The following PLCB4 variants were observed in gnomAD, a reference collection of about 807,000 sequenced individuals.
PLCB4 encodes phospholipase C beta 4, also known as 1-phosphatidylinositol 4,5-bisphosphate phosphodiesterase beta-4.
A neutral mutation model predicts 178.8 loss-of-function variants in PLCB4; 77 were observed. The ratio of observed to expected loss-of-function variants is 0.43; its 90% CI spans 0.36 to 0.52. The LOEUF is 0.52. PLCB4 is among the 20% of genes least tolerant of loss of function. The probability of loss-of-function intolerance (pLI) is 0.00; values close to 1 mark genes in which losing one functional copy is unlikely to be tolerated. For missense variants in PLCB4, 1,024 were observed against 1,453.4 expected (o/e 0.70, Z 4.80); for synonymous variants, 496 against 490.8 (o/e 1.01, Z -0.14).
At position 9,305,115 on chromosome 20, in the gene PLCB4, A is replaced by G. The variant is rs1351812124; in HGVS notation, c.-15-2685A>G. 2.0e-5 allele frequency among the ~76,000 whole-genome samples: 3 copies of G among 147,422 alleles called. No homozygotes were observed. In the South Asian group the frequency reaches 6.4e-4, roughly 31 times the overall value. On this transcript the variant is annotated intron_variant, in intron 3 of 39. Transcript: ENST00000378473. ...TCTGTAAACAACCATAATTTTACCT[A>G]ATCCGAAAACATCTTTTATAAGTGA...
At chr20:9,430,609 C>T (rs1159955898) in intron 28 of PLCB4, among the ~76,000 whole-genome samples, 1 of 152,090 alleles carries the variant, frequency 6.6e-6, no homozygotes, top group African/African-American at 2.4e-5. Context: ...GATATTTATC[C>T]AGCTAATGGA....
intron 2 of PLCB4, among the ~76,000 whole-genome samples, chr20:9,210,023 C>T (rs2093657056): frequency 6.6e-6 from 1 of 151,124 alleles, no homozygotes; most frequent in African/African-American, 2.4e-5. Flanking sequence ...TGTCTGGACT[C>T]CTGACCTACA....
At chr20:9,177,672 T>C (rs2093177478) in intron 2 of PLCB4, among the ~76,000 whole-genome samples, 1 of 152,234 alleles carries the variant, frequency 6.6e-6, no homozygotes. Flanking sequence ...TTGTGTTGTA[T>C]GCAAAGACGT....
chr20:9,099,170 A>G (rs1199444919), intron 2 of PLCB4, among the ~76,000 whole-genome samples: 1 of 152,180 alleles, frequency 6.6e-6, no homozygotes, highest in African/African-American at 2.4e-5. Context: ...AGAAGCTCAT[A>G]ATCAAAGAAG....
At chr20:9,087,091 A>G (rs1195663067) in intron 1 of PLCB4, among the ~76,000 whole-genome samples, 1 of 152,186 alleles carries the variant, frequency 6.6e-6, no homozygotes, top group Non-Finnish European at 1.5e-5. Context: ...TGTAGAGAGC[A>G]TATAGTTGAT....
chr20:9,384,987 G>A (rs1815036050), intron 14 of PLCB4, among the ~76,000 whole-genome samples: 1 of 152,124 alleles, frequency 6.6e-6, no homozygotes, highest in African/African-American at 2.4e-5. Flanking sequence ...CTGGGTACTT[G>A]AGATTAGGGA....
At chr20:9,154,506 C>T (rs1430854191) in intron 2 of PLCB4, among the ~76,000 whole-genome samples, 1 of 152,106 alleles carries the variant, frequency 6.6e-6, no homozygotes, top group Admixed American at 6.6e-5. Flanking sequence ...TCTAATAATG[C>T]TCAGTCGTCT....
At position 9,314,334 on chromosome 20, in the gene PLCB4, G is replaced by A. The variant is rs1174047864; in HGVS notation, c.84+6436G>A. 2.0e-5 allele frequency among the ~76,000 whole-genome samples: 3 copies of A among 152,190 alleles called. No homozygotes were observed. The East Asian group carries it at 5.8e-4, about 29-fold the overall frequency. On this transcript the variant is annotated intron_variant, in intron 4 of 39. Transcript: ENST00000378473. ...GATTCCTTGTGGGAGTGGTCTGGAG[G>A]GTAGTGTTGGGCTTGAAGGACTTAA...
intron 2 of PLCB4, among the ~76,000 whole-genome samples, chr20:9,149,322 A>T (rs80286627): frequency 6.6e-6 from 1 of 152,202 alleles, no homozygotes; most frequent in African/African-American, 2.4e-5. Flanking sequence ...CCCACCTGTT[A>T]GGGAAGATAG....
At chr20:9,421,893 A>G (rs775339138) in intron 27 of PLCB4, among the ~76,000 whole-genome samples, 8 of 152,184 alleles carry the variant, frequency 5.3e-5, no homozygotes, top group Non-Finnish European at 8.8e-5. Flanking sequence ...GTCTCTCCTG[A>G]AAGAGTGACA....
chr20:9,116,361 G>C (rs1300381239), intron 2 of PLCB4, among the ~76,000 whole-genome samples: 2 of 151,962 alleles, frequency 1.3e-5, no homozygotes, highest in Non-Finnish European at 2.9e-5. Flanking sequence ...ATATATGTGT[G>C]CACATATATA....
chr20:9,229,517 A>C (rs893371110), intron 3 of PLCB4, among the ~76,000 whole-genome samples: 4 of 152,056 alleles, frequency 2.6e-5, no homozygotes, highest in Non-Finnish European at 5.9e-5. Context: ...TGCTGCAGGG[A>C]GAAATACCAA....
chr20:9,184,147 A>T (rs1416439940), intron 2 of PLCB4, among the ~76,000 whole-genome samples: 2 of 152,198 alleles, frequency 1.3e-5, no homozygotes, highest in East Asian at 3.8e-4. Flanking sequence ...CCTATTTCCT[A>T]CATTGACTTC....
chr20:9,460,821 G>A (rs1321713681), intron 35 of PLCB4, among the ~76,000 whole-genome samples: 1 of 152,206 alleles, frequency 6.6e-6, no homozygotes. Flanking sequence ...GACAGATACT[G>A]CCACAAGAAC....
intron 28 of PLCB4, among the ~76,000 whole-genome samples, chr20:9,429,414 C>T (rs1317854192): frequency 1.3e-5 from 2 of 152,122 alleles, no homozygotes; most frequent in Non-Finnish European, 2.9e-5. Context: ...CACAGTATTC[C>T]CCAATAAAAG....
At chr20:9,301,669 G>A (rs1196473104) in intron 3 of PLCB4, among the ~76,000 whole-genome samples, 4 of 152,022 alleles carry the variant, frequency 2.6e-5, no homozygotes, top group Non-Finnish European at 4.4e-5. Context: ...TTGGCCCCTC[G>A]ACAGCCCACC....
At chr20:9,144,463 T>A (rs1349680888) in intron 2 of PLCB4, among the ~76,000 whole-genome samples, 1 of 151,652 alleles carries the variant, frequency 6.6e-6, no homozygotes, top group Non-Finnish European at 1.5e-5. Flanking sequence ...TGTTTTGGAT[T>A]TTTCTAGCTA....
chr20:9,277,473 G>A (rs2094460070), intron 3 of PLCB4, among the ~76,000 whole-genome samples: 2 of 151,972 alleles, frequency 1.3e-5, no homozygotes, highest in South Asian at 4.1e-4. Context: ...TATGGGTAGG[G>A]CAAAGCCAGA....
chr20:9,194,906 C>T (rs555709905), intron 2 of PLCB4, among the ~76,000 whole-genome samples: 1 of 152,158 alleles, frequency 6.6e-6, no homozygotes, highest in South Asian at 2.1e-4. Flanking sequence ...TGCTTCTTTG[C>T]AGAAATCTTT....
Sources: gnomAD v4.1 joint callset for allele counts (sites outside exome capture counted in the v4.1 genomes callset) on GRCh38, gnomAD v4.1.1 for gene constraint, MANE v1.5 for transcripts, NCBI Gene and HGNC (gene_info 2026-07-23, HGNC 2026-07-21) for gene names.